RAD51B: variants seen among roughly 807,000 people sequenced by gnomAD.
RAD51B encodes the protein RAD51 paralog B, also known as DNA repair protein RAD51 homolog 2.
Under a neutral mutation model 42.2 loss-of-function variants are expected in RAD51B, and 38 were observed. The observed-to-expected ratio is 0.90, with a 90% CI of 0.70 to 1.18. The LOEUF (loss-of-function observed/expected upper bound fraction) is 1.18. RAD51B is among the 50% of genes most tolerant of loss of function. The pLI is 0.00. For synonymous variants in RAD51B, 154 were observed against 145.2 expected, an observed-to-expected ratio of 1.06 and a Z score of -0.43; for missense variants, 373 against 400.7, an observed-to-expected ratio of 0.93 and a Z score of 0.59.
In RAD51B at chr14:68,366,335, A is replaced by G. The variant is rs145549642; in HGVS notation, c.854-45089A>G. On this transcript the variant is annotated intron_variant, in intron 8 of 10. Transcript: ENST00000471583. ...AAATCATCCTCTCTCTGACCATGAC[A>G]AAAGTGTACCAGTCGTAGCTAAAGC... Among the ~76,000 whole-genome samples the G allele has an allele frequency of 3.6e-3, 550 of 152,350 alleles. 1 individual carries two copies. Among genetic ancestry groups the G allele is most frequent in the Non-Finnish European group, 4.7e-3 (317 of 68,028 alleles).
intron 9 of RAD51B, among the ~76,000 whole-genome samples, chr14:68,418,789 T>C (rs2084624380): frequency 6.6e-6 from 1 of 152,236 alleles, no homozygotes; most frequent in African/African-American, 2.4e-5. Context: ...ATTTTAGCCT[T>C]AGCTGGTTAG....
At chr14:68,296,365 C>T (rs1211478753) in intron 8 of RAD51B, among the ~76,000 whole-genome samples, 2 of 152,174 alleles carry the variant, frequency 1.3e-5, no homozygotes, top group Non-Finnish European at 2.9e-5. Context: ...GAAGTTCAGA[C>T]ATATAGGTTA....
At chr14:68,475,705 A>G (rs1882521501) in intron 10 of RAD51B, among the ~76,000 whole-genome samples, 1 of 152,214 alleles carries the variant, frequency 6.6e-6, no homozygotes, top group African/African-American at 2.4e-5. Flanking sequence ...AAAAAAATGA[A>G]ACAAAATATC....
At chr14:67,983,544 C>T (rs2075131948) in intron 7 of RAD51B, among the ~76,000 whole-genome samples, 1 of 152,138 alleles carries the variant, frequency 6.6e-6, no homozygotes, top group South Asian at 2.1e-4. Context: ...AGCATTTTCT[C>T]ACTGCAAAAT....
chr14:68,176,255 G>A (rs1227699793), intron 7 of RAD51B, among the ~76,000 whole-genome samples: 2 of 152,152 alleles, frequency 1.3e-5, no homozygotes, highest in African/African-American at 4.8e-5. Context: ...GGCTTTGTAT[G>A]GATGGGTGGC....
At chr14:68,111,534 T>G (rs1427253712) in intron 7 of RAD51B, among the ~76,000 whole-genome samples, 2 of 152,140 alleles carry the variant, frequency 1.3e-5, no homozygotes, top group Non-Finnish European at 2.9e-5. Context: ...CTTTCAAGGC[T>G]TTCTTTCACA....
intron 4 of RAD51B, chr14:67,843,473 A>G (rs577850698): frequency 6.6e-6 from 1 of 152,134 alleles, no homozygotes; most frequent in East Asian, 1.9e-4. Context: ...GGCCGTGAAC[A>G]TGTCTGGTCC....
intron 4 of RAD51B, 42 bp from the exon 5 acceptor site, chr14:67,864,961 C>CCTTTT: frequency 1.6e-6 from 1 of 643,782 alleles, no homozygotes; most frequent in Non-Finnish European, 1.9e-6. Context: ...ATCTAAAAAA[C>CCTTTT]TTTTTTTTTT....
At chr14:68,097,868 T>C (rs1046470739) in intron 7 of RAD51B, among the ~76,000 whole-genome samples, 9 of 152,194 alleles carry the variant, frequency 5.9e-5, no homozygotes, top group Admixed American at 2.6e-4. Context: ...CATGCTAAGT[T>C]CCCTGCATCT....
chr14:68,118,385 T>G (rs1248230167), intron 7 of RAD51B, among the ~76,000 whole-genome samples: 1 of 152,228 alleles, frequency 6.6e-6, no homozygotes, highest in African/African-American at 2.4e-5. Context: ...CATGACTCCT[T>G]ATGCTGTTCC....
At chr14:68,141,954 G>A (rs938264591) in intron 7 of RAD51B, among the ~76,000 whole-genome samples, 1 of 151,618 alleles carries the variant, frequency 6.6e-6, no homozygotes, top group African/African-American at 2.4e-5. Flanking sequence ...TATGACTCAG[G>A]GTCATTCCAT....
At chr14:68,530,359 A>T (rs1433967083) in intron 10 of RAD51B, among the ~76,000 whole-genome samples, 1 of 143,728 alleles carries the variant, frequency 7.0e-6, no homozygotes, top group East Asian at 2.4e-4. Flanking sequence ...ATATGGGAGG[A>T]TTGCTGGAGC....
intron 7 of RAD51B, among the ~76,000 whole-genome samples, chr14:68,074,681 AT>A (rs1252387419): frequency 2.6e-5 from 4 of 152,168 alleles, no homozygotes; most frequent in Non-Finnish European, 2.9e-5. Flanking sequence ...CTGCGATGTA[AT>A]TTGAGTGTAG....
chr14:68,068,360 A>G (rs1469890027), intron 7 of RAD51B, among the ~76,000 whole-genome samples: 1 of 152,166 alleles, frequency 6.6e-6, no homozygotes, highest in Non-Finnish European at 1.5e-5. Flanking sequence ...ATAGAACTCT[A>G]TCATACAAAA....
At chr14:68,048,407 T>G (rs1352708363) in intron 7 of RAD51B, among the ~76,000 whole-genome samples, 5 of 152,228 alleles carry the variant, frequency 3.3e-5, no homozygotes, top group Non-Finnish European at 7.4e-5. Flanking sequence ...TTCACTCTGA[T>G]AGTAGTTTCT....
At chr14:68,071,557 C>T (rs1230602210) in intron 7 of RAD51B, among the ~76,000 whole-genome samples, 1 of 152,042 alleles carries the variant, frequency 6.6e-6, no homozygotes, top group East Asian at 1.9e-4. Context: ...TGATTAATCA[C>T]ATTTATTGAT....
In RAD51B at chr14:68,447,471, C is replaced by G. The variant is rs192622913; in HGVS notation, c.958-20701C>G. On this transcript the variant is annotated intron_variant, in intron 9 of 10. Coordinates refer to ENST00000471583, the MANE Select transcript of RAD51B (RefSeq NM_133510.4). ...TTCCTTTTGGCCTTTTTATTATTCACCTCCACCACAGTAGAGAGAAAAAAA... is the reference window on the plus strand; with the variant it reads ...TTCCTTTTGGCCTTTTTATTATTCAGCTCCACCACAGTAGAGAGAAAAAAA... 5.5e-3 allele frequency among the ~76,000 whole-genome samples: 634 copies of G among 116,312 alleles called. 4 individuals are homozygous for G. The highest frequency in any genetic ancestry group is 0.02 in the African/African-American group (606 of 29,796). The allele number at this position is 116,312 out of a possible 152,430, so 76.3% of individuals were successfully genotyped here.
chr14:68,625,266 C>A (rs1430510036), intron 10 of RAD51B, among the ~76,000 whole-genome samples: 1 of 152,152 alleles, frequency 6.6e-6, no homozygotes, highest in Admixed American at 6.5e-5. Context: ...TGTATCGGAG[C>A]TACAACTCCT....
At chr14:67,870,070 A>C (rs1402314933) in intron 5 of RAD51B, among the ~76,000 whole-genome samples, 2 of 151,148 alleles carry the variant, frequency 1.3e-5, no homozygotes, top group Non-Finnish European at 2.9e-5. Flanking sequence ...GACAGGATCA[A>C]ATTCACACAT....
Sources: gnomAD v4.1 joint callset for allele counts (sites outside exome capture counted in the v4.1 genomes callset) on GRCh38, gnomAD v4.1.1 for gene constraint, MANE v1.5 for transcripts, NCBI Gene and HGNC (gene_info 2026-07-23, HGNC 2026-07-21) for gene names.